LRRC8B: variants seen among roughly 807,000 people sequenced by gnomAD.
LRRC8B encodes volume-regulated anion channel subunit LRRC8B.
LRRC8B carries 23 observed loss-of-function variants against 58.8 expected under a neutral mutation model. That is an observed-to-expected ratio of 0.39 (90% confidence interval 0.28 to 0.55). LRRC8B has a LOEUF of 0.55. Among genes scored for constraint, LRRC8B ranks in the 20% least tolerant of loss-of-function variants. The pLI, the probability that LRRC8B is intolerant of heterozygous loss-of-function variation, is 0.62. For missense variants in LRRC8B, 694 were observed against 936.0 expected (o/e 0.74, Z 3.37); for synonymous variants, 359 against 374.1 (o/e 0.96, Z 0.47).
At chr1:89,538,528 C>G (rs183331319) in intron 1 of LRRC8B, among the ~76,000 whole-genome samples, 3 of 152,224 alleles carry the variant, frequency 2.0e-5, no homozygotes, top group Admixed American at 2.0e-4. Flanking sequence ...ATAAACTTGT[C>G]ACTTTTAGGG....
intron 2 of LRRC8B, 44 bp downstream of exon 2, chr1:89,568,351 G>A (rs1262814884): frequency 6.6e-6 from 1 of 151,928 alleles, no homozygotes. Flanking sequence ...TACATATGTT[G>A]GAAATTTTAG....
chr1:89,555,294 G>A (rs978929826), intron 1 of LRRC8B, among the ~76,000 whole-genome samples: 66 of 152,270 alleles, frequency 4.3e-4, no homozygotes, highest in Middle Eastern at 3.4e-3. Flanking sequence ...AGCTAAATTC[G>A]TCTTCTCTGC....
intron 1 of LRRC8B, among the ~76,000 whole-genome samples, chr1:89,566,926 A>G (rs1377543542): frequency 2.0e-5 from 3 of 152,182 alleles, no homozygotes; most frequent in Non-Finnish European, 4.4e-5. Flanking sequence ...TTATCTCCAA[A>G]TCTTCCAGAA....
chr1:89,567,926 A>C (rs1041278562), intron 1 of LRRC8B, among the ~76,000 whole-genome samples: 1 of 152,002 alleles, frequency 6.6e-6, no homozygotes, highest in Non-Finnish European at 1.5e-5. Context: ...TGTGATATAT[A>C]AGTGGCAAAA....
intron 1 of LRRC8B, among the ~76,000 whole-genome samples, chr1:89,555,007 G>A (rs1167800121): frequency 6.6e-6 from 1 of 152,104 alleles, no homozygotes; most frequent in South Asian, 2.1e-4. Flanking sequence ...ACTTCCAGAT[G>A]GGGAGTATAT....
intron 3 of LRRC8B, among the ~76,000 whole-genome samples, chr1:89,569,919 G>T (rs1023995410): frequency 3.9e-5 from 6 of 152,038 alleles, no homozygotes; most frequent in Non-Finnish European, 7.4e-5. Flanking sequence ...GTGTCCATGT[G>T]TTCTCATCAT....
chr1:89,595,703 AG>A lies in LRRC8B; in HGVS notation c.*2662del, dbSNP rs1655248600. 2 of 152,176 alleles carry A rather than the reference AG, an allele frequency of 1.3e-5. No homozygotes were observed. The highest frequency in any genetic ancestry group is 2.4e-5 in the African/African-American group (1 of 41,454). 9.4% of individuals were successfully genotyped at this position (152,176 alleles called of 1,614,324 possible). On this transcript the variant is annotated 3_prime_UTR_variant, in exon 6 of 6. Transcript: ENST00000330947. ...CAGTGTTTAGGTCGCTTTTGAGACA[AG>A]GTAGCCCTGATGCAAGGAAAAATGA...
chr1:89,582,747 C>G lies in LRRC8B; in HGVS notation c.97C>G (p.Leu33Val). Reference sequence around the variant, plus strand: ...GGACGTCTTCTGGTATTACATCACACTGATCATGCTGCTGGTGGCCGTGCT... The same window carrying G: ...GGACGTCTTCTGGTATTACATCACAGTGATCATGCTGCTGGTGGCCGTGCT... ...WWDVFWYYIT[L>V]IMLLVAVLAG... The change falls in exon 5 of 6, where the codon CTG (leucine) becomes GTG (valine). Residue 33 changes from leucine to valine, a missense_variant. Around this residue, in one of 5 missense-constraint regions of LRRC8B, gnomAD observed 316 missense variants for 403.8 expected, o/e 0.78. Coordinates refer to ENST00000330947, the MANE Select transcript of LRRC8B (RefSeq NM_001369817.2). 1 of 1,614,210 alleles carries G rather than the reference C, an allele frequency of 6.2e-7. No homozygotes were observed. The highest frequency in any genetic ancestry group is 8.5e-7 in the Non-Finnish European group (1 of 1,180,034).
chr1:89,595,404 G>C lies in LRRC8B; in HGVS notation c.*2361G>C, dbSNP rs1375187082. On this transcript the variant is annotated 3_prime_UTR_variant, in exon 6 of 6. Transcript: ENST00000330947. ...ATGCCAAAAGTGCTTAAATGTTTTT[G>C]GCCACATAACTAGCTAGAATTTCAA... The C allele has an allele frequency of 6.6e-6, 1 of 151,952 alleles. No homozygotes were observed. Among genetic ancestry groups the C allele is most frequent in the Non-Finnish European group, 1.5e-5 (1 of 67,928 alleles). 9.4% of individuals were successfully genotyped at this position (151,952 alleles called of 1,614,324 possible).
intron 1 of LRRC8B, among the ~76,000 whole-genome samples, chr1:89,533,631 C>T (rs2100797803): frequency 6.6e-6 from 1 of 152,280 alleles, no homozygotes; most frequent in Admixed American, 6.5e-5. Flanking sequence ...CTAAGCTATA[C>T]CTATCATAGT....
chr1:89,545,024 C>A (rs1164591082), intron 1 of LRRC8B, among the ~76,000 whole-genome samples: 3 of 152,054 alleles, frequency 2.0e-5, no homozygotes, highest in Non-Finnish European at 4.4e-5. Flanking sequence ...ACATATATTG[C>A]TTTCTTTGTA....
chr1:89,534,633 A>T (rs1650393929), intron 1 of LRRC8B, among the ~76,000 whole-genome samples: 1 of 152,204 alleles, frequency 6.6e-6, no homozygotes, highest in Non-Finnish European at 1.5e-5. Context: ...ATTTTTCACT[A>T]GTACACGATT....
At chr1:89,589,558 CTTT>C (rs35027182) in intron 5 of LRRC8B, among the ~76,000 whole-genome samples, 3 of 144,950 alleles carry the variant, frequency 2.1e-5, no homozygotes, top group African/African-American at 2.5e-5. Context: ...CACATTTGTG[CTTT>C]TTTTTTTTTT....
At chr1:89,582,518 A>G in intron 4 of LRRC8B, 107 bp from the exon 5 acceptor site, 1 of 676,068 alleles carries the variant, frequency 1.5e-6, no homozygotes, top group Non-Finnish European at 2.5e-6. Flanking sequence ...GTTTTACCCC[A>G]GAGCTAAATC....
chr1:89,536,400 C>G (rs985470543), intron 1 of LRRC8B, among the ~76,000 whole-genome samples: 8 of 152,192 alleles, frequency 5.3e-5, no homozygotes, highest in African/African-American at 1.4e-4. Context: ...GATTGGGAAA[C>G]TTGCCTTAAA....
intron 1 of LRRC8B, among the ~76,000 whole-genome samples, chr1:89,537,034 GATTGAGA>G (rs1358495362): frequency 6.6e-6 from 1 of 152,156 alleles, no homozygotes; most frequent in Non-Finnish European, 1.5e-5. Flanking sequence ...AAGATACTAA[GATTGAGA>G]AAGGCAAAGT....
At chr1:89,575,462 G>A (rs902338795) in intron 3 of LRRC8B, among the ~76,000 whole-genome samples, 11 of 152,128 alleles carry the variant, frequency 7.2e-5, no homozygotes, top group African/African-American at 2.7e-4. Flanking sequence ...AGGACATTTT[G>A]TACCTTCCAA....
rs1246264633 is a variant in LRRC8B at position 89,583,942 on chromosome 1, G to A, written c.1292G>A (p.Gly431Asp). Residue 431 changes from glycine (G) to aspartate (D), a missense_variant, in exon 5 of 6, where the codon GGT becomes GAT. Coordinates refer to ENST00000330947, the MANE Select transcript of LRRC8B (RefSeq NM_001369817.2). The surrounding 1 kb of genome is among the most constrained non-coding windows in gnomAD (Gnocchi z 5.2). ...GAACTGCATCTTTTTATGCTCAACGGTCTTCCAGACAATGTCTTTGAGTTA... is the reference window on the plus strand; with the variant it reads ...GAACTGCATCTTTTTATGCTCAACGATCTTCCAGACAATGTCTTTGAGTTA... ...KIELHLFMLN[G>D]LPDNVFELTE... The A allele has an allele frequency of 3.7e-6, 6 of 1,614,056 alleles. No individual in the cohort carries two copies. The African/African-American group carries it at 8.0e-5, about 22-fold the overall frequency.
intron 1 of LRRC8B, among the ~76,000 whole-genome samples, chr1:89,563,169 T>TTA (rs894376293): frequency 9.5e-4 from 144 of 151,914 alleles, no homozygotes; most frequent in African/African-American, 2.4e-3. Flanking sequence ...TTTTGTGGTT[T>TTA]TATATATATA....
Sources: allele counts gnomAD v4.1 joint callset (sites outside exome capture counted in the v4.1 genomes callset), GRCh38; gene constraint gnomAD v4.1.1; regional missense constraint gnomAD v4.1.1; non-coding constraint Gnocchi (gnomAD v3.1); transcripts MANE v1.5; gene names NCBI Gene and HGNC (gene_info 2026-07-23, HGNC 2026-07-21).